Variants in ITFG1 observed in about 807,000 individuals in gnomAD.
ITFG1 encodes the protein integrin alpha FG-GAP repeat containing 1.
In ITFG1, 34 loss-of-function variants were observed where a neutral mutation model predicts 81.8. The ratio of observed to expected loss-of-function variants is 0.42; its 90% CI spans 0.32 to 0.55. The LOEUF (loss-of-function observed/expected upper bound fraction) is 0.55, where lower values mean the gene tolerates loss of function less well. Among genes scored for constraint, ITFG1 ranks in the 20% least tolerant of loss-of-function variants. The pLI, the probability that ITFG1 is intolerant of heterozygous loss-of-function variation, is 0.17. For synonymous variants in ITFG1, 285 were observed against 270.6 expected (o/e 1.05, Z -0.52); for missense variants, 672 against 755.4 (o/e 0.89, Z 1.29).
chr16:47,343,014 T>C (rs867604205), intron 8 of ITFG1, among the ~76,000 whole-genome samples: 1 of 152,248 alleles, frequency 6.6e-6, no homozygotes, highest in East Asian at 1.9e-4. Context: ...TCATGTGGAA[T>C]TGCAGGAGCC....
At chr16:47,421,284 A>G (rs1968944318) in intron 6 of ITFG1, among the ~76,000 whole-genome samples, 1 of 150,394 alleles carries the variant, frequency 6.6e-6, no homozygotes, top group Non-Finnish European at 1.5e-5. Flanking sequence ...ACACACACAC[A>G]CACACACACA....
intron 8 of ITFG1, among the ~76,000 whole-genome samples, chr16:47,347,512 T>C (rs966974140): frequency 2.0e-5 from 3 of 151,988 alleles, no homozygotes; most frequent in African/African-American, 7.3e-5. Flanking sequence ...CGCCCACCAT[T>C]GCTGAGGATT....
chr16:47,271,820 C>A (rs929904531), intron 10 of ITFG1, among the ~76,000 whole-genome samples: 1 of 152,218 alleles, frequency 6.6e-6, no homozygotes, highest in African/African-American at 2.4e-5. Flanking sequence ...GATCACACCA[C>A]TGCACTCCAG....
intron 14 of ITFG1, among the ~76,000 whole-genome samples, chr16:47,165,691 C>T (rs1964879756): frequency 6.6e-6 from 1 of 152,120 alleles, no homozygotes; most frequent in South Asian, 2.1e-4. Context: ...ACAAAAAATA[C>T]AAAAATTAGC....
At chr16:47,455,401 C>A (rs1475323150) in intron 2 of ITFG1, among the ~76,000 whole-genome samples, 106 of 148,340 alleles carry the variant, frequency 7.1e-4, no homozygotes, top group South Asian at 1.7e-3. Context: ...AAAAAAAAAA[C>A]AAACCAACAA....
chr16:47,259,938 T>C (rs1966186999), intron 11 of ITFG1, among the ~76,000 whole-genome samples: 1 of 140,246 alleles, frequency 7.1e-6, no homozygotes, highest in Admixed American at 7.2e-5. Context: ...TGGCTGTAAA[T>C]TTTTTTTTTT....
chr16:47,397,373 G>A (rs1968606763), intron 6 of ITFG1, among the ~76,000 whole-genome samples: 1 of 152,156 alleles, frequency 6.6e-6, no homozygotes, highest in South Asian at 2.1e-4. Flanking sequence ...CTCTTACTGG[G>A]CATGGGAAAC....
intron 6 of ITFG1, among the ~76,000 whole-genome samples, chr16:47,410,954 C>A (rs1270438884): frequency 6.6e-6 from 1 of 152,162 alleles, no homozygotes; most frequent in African/African-American, 2.4e-5. Flanking sequence ...GCCACCCCAT[C>A]CGCCAGCCTC....
intron 5 of ITFG1, among the ~76,000 whole-genome samples, chr16:47,437,747 C>T (rs563011794): frequency 4.9e-4 from 75 of 152,202 alleles, no homozygotes; most frequent in Non-Finnish European, 9.3e-4. Context: ...GGAACGGCTC[C>T]AGCCTACAGC....
At chr16:47,201,340 C>G (rs1965422960) in intron 14 of ITFG1, among the ~76,000 whole-genome samples, 1 of 151,878 alleles carries the variant, frequency 6.6e-6, no homozygotes, top group Non-Finnish European at 1.5e-5. Flanking sequence ...TCCCAAGTAG[C>G]TGGGACTACA....
chr16:47,317,520 C>G (rs1312360173), intron 8 of ITFG1: 1 of 152,186 alleles, frequency 6.6e-6, no homozygotes. Context: ...ACCTTTCCAA[C>G]TTTGTTAACC....
intron 14 of ITFG1, among the ~76,000 whole-genome samples, chr16:47,180,617 G>A (rs1173455219): frequency 3.9e-5 from 6 of 152,156 alleles, no homozygotes; most frequent in East Asian, 1.9e-4. Flanking sequence ...GCTCCTAACC[G>A]TGAGTGATCC....
intron 6 of ITFG1, among the ~76,000 whole-genome samples, chr16:47,378,670 T>C (rs147333676): frequency 1.2e-3 from 186 of 152,226 alleles, no homozygotes; most frequent in African/African-American, 4.1e-3. Flanking sequence ...TCTTGTAAAA[T>C]AGACTTTTTA....
At chr16:47,439,754 A>T (rs911664370) in intron 5 of ITFG1, among the ~76,000 whole-genome samples, 1 of 152,252 alleles carries the variant, frequency 6.6e-6, no homozygotes. Context: ...AAGACCATGA[A>T]GGTTAGGAAG....
chr16:47,428,866 G>C lies in ITFG1; in HGVS notation c.593C>G (p.Thr198Arg), dbSNP rs768770880. The change falls in exon 6 of 18, where the codon ACA becomes AGA. Residue 198 changes from threonine to arginine, a missense_variant. By Grantham distance (71) the Thr-to-Arg change is moderately conservative. Coordinates refer to ENST00000320640, the MANE Select transcript of ITFG1 (RefSeq NM_030790.5). The stretch of plus-strand genomic sequence containing the variant: ...AGAATGTGGAATTCGCATTTTACTT[G>C]TAGTGGTCAATGCTGGATGCCATGA... ...NLSWHPALTT[T>R]SKMRIPHSHA... 1 of 1,608,610 alleles carries C rather than the reference G, an allele frequency of 6.2e-7. No individual in the cohort carries two copies. Among genetic ancestry groups the C allele is most frequent in the Admixed American group, 1.7e-5 (1 of 59,702 alleles).
chr16:47,202,881 C>T (rs912754978), intron 14 of ITFG1, among the ~76,000 whole-genome samples: 2 of 152,132 alleles, frequency 1.3e-5, no homozygotes, highest in African/African-American at 4.8e-5. Flanking sequence ...TAGAAAACTG[C>T]ACCCTGTGTA....
At chr16:47,307,908 G>C (rs1006385910) in intron 10 of ITFG1, among the ~76,000 whole-genome samples, 1 of 152,106 alleles carries the variant, frequency 6.6e-6, no homozygotes, top group African/African-American at 2.4e-5. Context: ...TTGATTTTCT[G>C]TGCCTGTGTT....
chr16:47,401,087 T>C (rs904583823), intron 6 of ITFG1, among the ~76,000 whole-genome samples: 1 of 151,996 alleles, frequency 6.6e-6, no homozygotes, highest in Admixed American at 6.6e-5. Context: ...GAATCCAGAG[T>C]AGCTGCAATG....
intron 1 of ITFG1, 38 bp from the exon 2 acceptor site, chr16:47,459,213 G>A (rs753082416): frequency 7.5e-7 from 1 of 1,332,802 alleles, no homozygotes; most frequent in Non-Finnish European, 1.1e-6. Context: ...AAAAATGTTT[G>A]TTGATAAGAT....
Sources: allele counts gnomAD v4.1 joint callset (sites outside exome capture counted in the v4.1 genomes callset), GRCh38; gene constraint gnomAD v4.1.1; transcripts MANE v1.5; gene names NCBI Gene and HGNC (gene_info 2026-07-23, HGNC 2026-07-21).